Variants in RGS7 observed in about 807,000 individuals in gnomAD.
RGS7 encodes regulator of G-protein signaling 7.
Under a neutral mutation model 81.1 loss-of-function variants are expected in RGS7, and 27 were observed. The ratio of observed to expected loss-of-function variants is 0.33; its 90% CI spans 0.25 to 0.46. RGS7 has a LOEUF of 0.46. RGS7 is among the 20% of genes least tolerant of loss of function. The pLI is 1.00. For synonymous variants in RGS7, 208 were observed against 207.7 expected (o/e 1.00, Z -0.01); for missense variants, 396 against 607.4 (o/e 0.65, Z 3.66).
chr1:241,244,496 A>C (rs1030559628), intron 2 of RGS7, among the ~76,000 whole-genome samples: 1 of 152,196 alleles, frequency 6.6e-6, no homozygotes, highest in Non-Finnish European at 1.5e-5. Flanking sequence ...GAACACTTTT[A>C]CACTATTGGT....
intron 9 of RGS7, among the ~76,000 whole-genome samples, chr1:240,835,352 C>T (rs1410167528): frequency 6.6e-6 from 1 of 152,178 alleles, no homozygotes; most frequent in Admixed American, 6.5e-5. Flanking sequence ...TGCTCCACAT[C>T]GTATGTCATT....
At chr1:241,216,330 G>A (rs191266259) in intron 2 of RGS7, among the ~76,000 whole-genome samples, 3 of 152,076 alleles carry the variant, frequency 2.0e-5, no homozygotes, top group Admixed American at 2.0e-4. Flanking sequence ...AGAATAAAAA[G>A]AGGTAAAACA....
chr1:240,790,642 A>T (rs957183306), intron 18 of RGS7, among the ~76,000 whole-genome samples: 3 of 152,174 alleles, frequency 2.0e-5, no homozygotes, highest in Non-Finnish European at 4.4e-5. Context: ...TAGGGAAGGG[A>T]TTTCTAAGAG....
At chr1:241,274,693 C>G (rs957896002) in intron 2 of RGS7, among the ~76,000 whole-genome samples, 2 of 152,120 alleles carry the variant, frequency 1.3e-5, no homozygotes, top group Admixed American at 6.5e-5. Context: ...ACGACTTTTC[C>G]AGGTTTAAAA....
rs190889760 is a variant in RGS7, at chr1:240,878,429, C to T, written c.386-8310G>A. Among the ~76,000 whole-genome samples, 6 of 150,750 alleles carry T rather than the reference C, an allele frequency of 4.0e-5. No homozygotes were observed. The East Asian group carries it at 1.2e-3, about 30-fold the overall frequency. On this transcript the variant is annotated intron_variant, in intron 6 of 18. Coordinates refer to ENST00000440928, the MANE Select transcript of RGS7 (RefSeq NM_001364886.1). ...TCAAAACATAGTTGGGGAGTGAAAACATTTGCCTAGTGTTCATTCGAGGTT... is the reference window on the plus strand; with the variant it reads ...TCAAAACATAGTTGGGGAGTGAAAATATTTGCCTAGTGTTCATTCGAGGTT...
At chr1:241,339,087 T>G (rs929687966) in intron 2 of RGS7, among the ~76,000 whole-genome samples, 1 of 152,160 alleles carries the variant, frequency 6.6e-6, no homozygotes, top group East Asian at 1.9e-4. Flanking sequence ...CCCCTCCCTG[T>G]GTCCATCTGT....
chr1:241,168,940 G>A (rs2070496230), intron 2 of RGS7, among the ~76,000 whole-genome samples: 1 of 152,106 alleles, frequency 6.6e-6, no homozygotes, highest in Admixed American at 6.5e-5. Context: ...GAAGAAGCTA[G>A]GAAGTGGATC....
chr1:240,793,473 C>T (rs116214199), intron 18 of RGS7, among the ~76,000 whole-genome samples: 2,228 of 151,308 alleles, frequency 0.015, 61 homozygotes, highest in African/African-American at 0.052. Flanking sequence ...AGAAGAAAGA[C>T]GAGAAAATAG....
At chr1:241,058,399 C>G (rs1232984399) in intron 3 of RGS7, among the ~76,000 whole-genome samples, 4 of 152,230 alleles carry the variant, frequency 2.6e-5, no homozygotes, top group Non-Finnish European at 5.9e-5. Flanking sequence ...GCATAGAAAA[C>G]CCTAAGTCCA....
At chr1:241,216,277 A>T (rs1010091757) in intron 2 of RGS7, among the ~76,000 whole-genome samples, 5 of 152,294 alleles carry the variant, frequency 3.3e-5, no homozygotes, top group African/African-American at 1.2e-4. Flanking sequence ...GTCTCAGAAA[A>T]AAATAAATAA....
At chr1:240,938,270 T>C (rs1040085923) in intron 4 of RGS7, among the ~76,000 whole-genome samples, 2 of 152,208 alleles carry the variant, frequency 1.3e-5, no homozygotes, top group Non-Finnish European at 2.9e-5. Flanking sequence ...CTACTGTATG[T>C]AGAAAATACC....
chr1:241,325,305 G>A (rs1334004252), intron 2 of RGS7, among the ~76,000 whole-genome samples: 3 of 152,186 alleles, frequency 2.0e-5, no homozygotes, highest in Admixed American at 6.5e-5. Context: ...CTTATTGAGC[G>A]ATCACAGTGA....
intron 3 of RGS7, chr1:240,998,637 T>C: frequency 2.0e-6 from 2 of 985,706 alleles, no homozygotes; most frequent in South Asian, 2.5e-5. Flanking sequence ...CCATGTTGAC[T>C]TTGGCCAGGC....
chr1:240,784,436 T>G (rs1445956551), intron 18 of RGS7, among the ~76,000 whole-genome samples: 2 of 151,548 alleles, frequency 1.3e-5, no homozygotes, highest in Non-Finnish European at 2.9e-5. Flanking sequence ...GTCAGGAGAT[T>G]GAGACCATCC....
intron 2 of RGS7, chr1:241,305,830 G>C: frequency 3.3e-6 from 1 of 304,764 alleles, no homozygotes; most frequent in Middle Eastern, 1.1e-3. Context: ...GTTTCCTCAC[G>C]TTCTTGGTCA....
intron 18 of RGS7, among the ~76,000 whole-genome samples, chr1:240,799,348 AGTT>A (rs1187804788): frequency 4.5e-5 from 4 of 88,840 alleles, no homozygotes; most frequent in African/African-American, 1.8e-4. Flanking sequence ...CAGTAATTCC[AGTT>A]GTTTTTTTTT....
intron 18 of RGS7, among the ~76,000 whole-genome samples, chr1:240,799,530 T>G (rs1218208152): frequency 1.3e-5 from 2 of 152,118 alleles, no homozygotes; most frequent in Non-Finnish European, 2.9e-5. Flanking sequence ...TAACATTTTG[T>G]CTATACCATT....
chr1:241,025,819 A>T (rs753218424), intron 3 of RGS7, among the ~76,000 whole-genome samples: 12 of 152,182 alleles, frequency 7.9e-5, no homozygotes, highest in African/African-American at 1.2e-4. Flanking sequence ...AAATTATCTA[A>T]CAGATAATTC....
chr1:241,339,068 C>A (rs192937946), intron 2 of RGS7, among the ~76,000 whole-genome samples: 92 of 152,174 alleles, frequency 6.0e-4, no homozygotes, highest in African/African-American at 2.2e-3. Context: ...GGCCCCAGTG[C>A]GTGTCGTTCC....
Sources: gnomAD v4.1 joint callset for allele counts (sites outside exome capture counted in the v4.1 genomes callset) on GRCh38, gnomAD v4.1.1 for gene constraint, MANE v1.5 for transcripts, NCBI Gene and HGNC (gene_info 2026-07-23, HGNC 2026-07-21) for gene names.